The following SEMA6D variants were observed in gnomAD, a reference collection of about 807,000 sequenced individuals.
SEMA6D encodes semaphorin 6D, also known as semaphorin-6D.
SEMA6D carries 35 observed loss-of-function variants against 106.6 expected under a neutral mutation model. The observed-to-expected ratio is 0.33, with a 90% CI of 0.25 to 0.44. The LOEUF (loss-of-function observed/expected upper bound fraction) is 0.44, where lower values mean the gene tolerates loss of function less well. SEMA6D is among the 20% of genes least tolerant of loss of function. The probability of loss-of-function intolerance (pLI) is 1.00; values close to 1 mark genes in which losing one functional copy is unlikely to be tolerated. For missense variants in SEMA6D, 1,185 were observed against 1,345.9 expected (o/e 0.88, Z 1.87); for synonymous variants, 499 against 487.7 (o/e 1.02, Z -0.31).
At chr15:47,300,736 C>T (rs2035987119) in intron 1 of SEMA6D, among the ~76,000 whole-genome samples, 1 of 152,086 alleles carries the variant, frequency 6.6e-6, no homozygotes, top group Admixed American at 6.6e-5. Flanking sequence ...CTTGCATTTC[C>T]CCTGGTCACT....
intron 3 of SEMA6D, among the ~76,000 whole-genome samples, chr15:47,571,705 T>G (rs2142908122): frequency 6.6e-6 from 1 of 152,320 alleles, no homozygotes; most frequent in South Asian, 2.1e-4. Context: ...CATTGGATAA[T>G]GATTATGGGA....
intron 1 of SEMA6D, among the ~76,000 whole-genome samples, chr15:47,281,438 G>T (rs1418240735): frequency 6.7e-6 from 1 of 148,748 alleles, no homozygotes; most frequent in Non-Finnish European, 1.5e-5. Flanking sequence ...ACGTGAGATG[G>T]GTTTCCTGAA....
chr15:47,610,338 G>T (rs2076870753), intron 4 of SEMA6D, among the ~76,000 whole-genome samples: 1 of 152,180 alleles, frequency 6.6e-6, no homozygotes, highest in Non-Finnish European at 1.5e-5. Flanking sequence ...AACCCTTCTA[G>T]ACTTCTACTG....
chr15:47,365,424 G>A (rs754452793), intron 1 of SEMA6D, among the ~76,000 whole-genome samples: 2 of 152,144 alleles, frequency 1.3e-5, no homozygotes, highest in Non-Finnish European at 2.9e-5. Context: ...CCTCTGTGGT[G>A]ATTAGAAGGG....
intron 1 of SEMA6D, among the ~76,000 whole-genome samples, chr15:47,733,962 T>C (rs1266939792): frequency 6.6e-6 from 1 of 152,196 alleles, no homozygotes. Flanking sequence ...CAAGTCTGCA[T>C]GTGGCATTTC....
chr15:47,244,497 A>C (rs960980952), intron 1 of SEMA6D, among the ~76,000 whole-genome samples: 1 of 152,162 alleles, frequency 6.6e-6, no homozygotes, highest in Admixed American at 6.5e-5. Flanking sequence ...TCCTCAGAAC[A>C]ATGTTGTGAT....
intron 1 of SEMA6D, among the ~76,000 whole-genome samples, chr15:47,259,906 A>C (rs2142062038): frequency 6.6e-6 from 1 of 151,104 alleles, no homozygotes; most frequent in African/African-American, 2.4e-5. Flanking sequence ...TTTGTTGTTC[A>C]GATGGGGTAA....
chr15:47,690,790 T>C (rs1011375660), intron 4 of SEMA6D, among the ~76,000 whole-genome samples: 7 of 134,896 alleles, frequency 5.2e-5, no homozygotes, highest in African/African-American at 1.7e-4. Flanking sequence ...AACCGGGCTA[T>C]TTTTTAACAC....
Position 47,763,041 on chromosome 15 carries a change from A to G in SEMA6D, c.684A>G (p.Glu228=), listed in dbSNP as rs1281754582. ...IKEPHFLHAI[E]YGNYVYFFFR... ...AGCCACACTTTCTTCATGCCATAGAATATGGAAACTATGTCTATTTCTTCT... is the reference window on the plus strand; with the variant it reads ...AGCCACACTTTCTTCATGCCATAGAGTATGGAAACTATGTCTATTTCTTCT... Residue 228 remains glutamate, a synonymous_variant, in exon 9 of 19, where the codon GAA becomes GAG. Transcript: ENST00000536845. The G allele has an allele frequency of 5.6e-6, 9 of 1,612,120 alleles. No individual in the cohort carries two copies. Among genetic ancestry groups the G allele is most frequent in the Non-Finnish European group, 6.8e-6 (8 of 1,179,078 alleles).
chr15:47,339,135 G>A (rs2037701079), intron 1 of SEMA6D: 1 of 152,220 alleles, frequency 6.6e-6, no homozygotes, highest in Non-Finnish European at 1.5e-5. Context: ...CACACCCAGA[G>A]AGAGCATGGT....
chr15:47,580,335 A>G (rs2076234186), intron 3 of SEMA6D, among the ~76,000 whole-genome samples: 1 of 152,072 alleles, frequency 6.6e-6, no homozygotes, highest in Non-Finnish European at 1.5e-5. Flanking sequence ...TTTTTCACGA[A>G]CTCTGCAAAG....
At chr15:47,388,575 A>G (rs746603579) in intron 1 of SEMA6D, among the ~76,000 whole-genome samples, 5 of 152,120 alleles carry the variant, frequency 3.3e-5, no homozygotes, top group Non-Finnish European at 5.9e-5. Flanking sequence ...ATCAGATCAA[A>G]AAAACGTAGT....
At chr15:47,371,282 G>T (rs1361315789) in intron 1 of SEMA6D, among the ~76,000 whole-genome samples, 1 of 152,162 alleles carries the variant, frequency 6.6e-6, no homozygotes, top group Non-Finnish European at 1.5e-5. Context: ...TGCCAGGTAA[G>T]GATGACACAT....
At chr15:47,352,794 T>C (rs914071331) in intron 1 of SEMA6D, among the ~76,000 whole-genome samples, 4 of 152,186 alleles carry the variant, frequency 2.6e-5, no homozygotes, top group African/African-American at 9.7e-5. Context: ...ACATTAAGTA[T>C]ACTCCCAGTA....
intron 1 of SEMA6D, among the ~76,000 whole-genome samples, chr15:47,259,515 T>C (rs1566956909): frequency 6.6e-6 from 1 of 152,072 alleles, no homozygotes; most frequent in Non-Finnish European, 1.5e-5. Flanking sequence ...TCTTCTGGCC[T>C]CTCTGGTTTC....
chr15:47,499,923 A>G (rs1415288405), intron 3 of SEMA6D, among the ~76,000 whole-genome samples: 1 of 129,320 alleles, frequency 7.7e-6, no homozygotes, highest in Non-Finnish European at 1.7e-5. Context: ...ACTCCTACCC[A>G]TGGAGGTTCT....
At chr15:47,589,930 T>G (rs11638312) in intron 3 of SEMA6D, among the ~76,000 whole-genome samples, 1 of 152,360 alleles carries the variant, frequency 6.6e-6, no homozygotes, top group African/African-American at 2.4e-5. Context: ...CTTTCAGAGT[T>G]TTTGGGTTGA....
At chr15:47,666,425 A>G (rs1397381037) in intron 4 of SEMA6D, among the ~76,000 whole-genome samples, 2 of 152,172 alleles carry the variant, frequency 1.3e-5, no homozygotes, top group East Asian at 3.9e-4. Context: ...TTGAAGGGAT[A>G]ATCTCCTGCT....
intron 1 of SEMA6D, among the ~76,000 whole-genome samples, chr15:47,244,428 C>A (rs1291940834): frequency 4.6e-5 from 7 of 152,120 alleles, no homozygotes; most frequent in African/African-American, 1.7e-4. Context: ...ATATCCTCAG[C>A]CCATTTCTTG....
Sources: allele counts gnomAD v4.1 joint callset (sites outside exome capture counted in the v4.1 genomes callset), GRCh38; gene constraint gnomAD v4.1.1; transcripts MANE v1.5; gene names NCBI Gene and HGNC (gene_info 2026-07-23, HGNC 2026-07-21).